Variants in PDE4B observed in about 807,000 individuals in gnomAD.
The protein encoded by PDE4B is 3',5'-cyclic-AMP phosphodiesterase 4B.
A neutral mutation model predicts 82.2 loss-of-function variants in PDE4B; 20 were observed. That is an observed-to-expected ratio of 0.24 (90% CI 0.17 to 0.35). PDE4B has a LOEUF of 0.35. PDE4B is among the 10% of genes least tolerant of loss of function. The probability of loss-of-function intolerance (pLI) is 1.00; values close to 1 mark genes in which losing one functional copy is unlikely to be tolerated. For missense variants in PDE4B, 655 were observed against 907.2 expected, an observed-to-expected ratio of 0.72 and a Z score of 3.57; for synonymous variants, 320 against 318.9, an observed-to-expected ratio of 1.00 and a Z score of -0.04.
rs930338343 is a variant in PDE4B at position 65,870,896 on chromosome 1, G to T, written c.-70-42349G>T. On this transcript the variant is annotated intron_variant, in intron 1 of 16. Transcript: ENST00000341517. The stretch of plus-strand genomic sequence containing the variant: ...TAGTAGTAATTTTAATGGTCTAAAA[G>T]CTAGGTAGATAAGAATGAGAGTATC... 2.6e-5 allele frequency among the ~76,000 whole-genome samples: 4 copies of T among 152,108 alleles called. No individual in the cohort carries two copies. The East Asian group carries it at 7.7e-4, about 29-fold the overall frequency.
At chr1:65,996,255 TC>T (rs1407013652) in intron 3 of PDE4B, among the ~76,000 whole-genome samples, 1 of 152,082 alleles carries the variant, frequency 6.6e-6, no homozygotes, top group East Asian at 1.9e-4. Flanking sequence ...AATTCTAAAA[TC>T]TCACTTAGTA....
At chr1:65,941,932 A>C (rs966818582) in intron 3 of PDE4B, among the ~76,000 whole-genome samples, 1 of 152,052 alleles carries the variant, frequency 6.6e-6, no homozygotes, top group Non-Finnish European at 1.5e-5. Context: ...AGCCTTTTCA[A>C]ATCACCTTCC....
intron 1 of PDE4B, among the ~76,000 whole-genome samples, chr1:65,869,848 A>G (rs539003769): frequency 1.3e-5 from 2 of 151,852 alleles, no homozygotes; most frequent in African/African-American, 4.8e-5. Context: ...GGAAAGATGA[A>G]ATTTCAGTTT....
At chr1:65,892,987 G>T (rs760847669) in intron 1 of PDE4B, among the ~76,000 whole-genome samples, 1 of 151,960 alleles carries the variant, frequency 6.6e-6, no homozygotes, top group Non-Finnish European at 1.5e-5. Context: ...TGAAAGTAAA[G>T]CTTGAAAATA....
intron 1 of PDE4B, among the ~76,000 whole-genome samples, chr1:65,837,995 G>A (rs780193319): frequency 2.0e-5 from 3 of 152,126 alleles, no homozygotes; most frequent in Non-Finnish European, 4.4e-5. Flanking sequence ...CACAACTCCT[G>A]TAGTGTACTT....
At chr1:65,982,957 G>A (rs1176127108) in intron 3 of PDE4B, among the ~76,000 whole-genome samples, 1 of 152,162 alleles carries the variant, frequency 6.6e-6, no homozygotes, top group East Asian at 1.9e-4. Context: ...CACCTCCTTG[G>A]TTTCAGAGGG....
chr1:65,865,676 C>G (rs1262404551), intron 1 of PDE4B, among the ~76,000 whole-genome samples: 1 of 152,156 alleles, frequency 6.6e-6, no homozygotes, highest in African/African-American at 2.4e-5. Flanking sequence ...GAGGCATGCC[C>G]CACTCTGCTT....
At chr1:66,196,320 G>A (rs115818755) in intron 3 of PDE4B, among the ~76,000 whole-genome samples, 1,845 of 152,294 alleles carry the variant, frequency 0.012, 27 homozygotes, top group South Asian at 0.052. Flanking sequence ...TTTAAAATAG[G>A]AGGATGATGC....
intron 7 of PDE4B, among the ~76,000 whole-genome samples, chr1:66,328,602 T>C (rs1047944226): frequency 1.2e-4 from 18 of 152,216 alleles, no homozygotes; most frequent in Admixed American, 8.5e-4. Context: ...CTTGGAGCCT[T>C]GGCTCATGCA....
chr1:66,251,890 T>C (rs561194712), intron 4 of PDE4B, among the ~76,000 whole-genome samples: 28 of 152,230 alleles, frequency 1.8e-4, no homozygotes, highest in South Asian at 1.0e-3. Flanking sequence ...ATGTTGCAAG[T>C]GGAGAGTTAC....
chr1:66,354,792 A>G, intron 8 of PDE4B: 1 of 1,534,628 alleles, frequency 6.5e-7, no homozygotes, highest in Non-Finnish European at 8.7e-7. Context: ...GCTCTCTCAG[A>G]ACTGTGAATT....
intron 3 of PDE4B, among the ~76,000 whole-genome samples, chr1:66,093,773 G>C (rs1216928314): frequency 6.6e-6 from 1 of 151,974 alleles, no homozygotes; most frequent in Non-Finnish European, 1.5e-5. Flanking sequence ...CATTTTGAAA[G>C]TGATGCATTT....
chr1:66,209,494 A>G (rs1649852019), intron 3 of PDE4B, among the ~76,000 whole-genome samples: 1 of 152,210 alleles, frequency 6.6e-6, no homozygotes, highest in Non-Finnish European at 1.5e-5. Flanking sequence ...CCAGAAATTT[A>G]TGTCCCACCA....
intron 3 of PDE4B, among the ~76,000 whole-genome samples, chr1:66,185,304 T>C (rs1570420459): frequency 6.6e-6 from 1 of 152,246 alleles, no homozygotes; most frequent in African/African-American, 2.4e-5. Context: ...TAAACATACG[T>C]GTGCATGTGT....
chr1:66,350,381 T>C (rs1382288075), intron 8 of PDE4B, among the ~76,000 whole-genome samples: 6 of 152,034 alleles, frequency 3.9e-5, no homozygotes, highest in Non-Finnish European at 7.4e-5. Flanking sequence ...TTGACACCTT[T>C]TTATTCTCTG....
intron 3 of PDE4B, among the ~76,000 whole-genome samples, chr1:66,093,886 A>G (rs1387138286): frequency 6.6e-6 from 1 of 152,010 alleles, no homozygotes; most frequent in Non-Finnish European, 1.5e-5. Context: ...AGTAGAAGGG[A>G]CCCAGAAATC....
chr1:66,364,206 A>G (rs1394671604), intron 12 of PDE4B, among the ~76,000 whole-genome samples: 3 of 152,150 alleles, frequency 2.0e-5, no homozygotes, highest in Non-Finnish European at 2.9e-5. Flanking sequence ...AATATAAAAT[A>G]CTCTCTATAT....
chr1:65,991,788 T>C (rs1238433715), intron 3 of PDE4B, among the ~76,000 whole-genome samples: 1 of 152,210 alleles, frequency 6.6e-6, no homozygotes, highest in Admixed American at 6.5e-5. Context: ...CTCAAATGTA[T>C]ATGCCCACAC....
chr1:65,885,474 A>G (rs1371742277), intron 1 of PDE4B, among the ~76,000 whole-genome samples: 1 of 152,170 alleles, frequency 6.6e-6, no homozygotes, highest in Non-Finnish European at 1.5e-5. Context: ...ATTTCCATCA[A>G]TGATAGACTG....
Sources: gnomAD v4.1 joint callset for allele counts (sites outside exome capture counted in the v4.1 genomes callset) on GRCh38, gnomAD v4.1.1 for gene constraint, MANE v1.5 for transcripts, NCBI Gene and HGNC (gene_info 2026-07-23, HGNC 2026-07-21) for gene names.